FER: variants seen among roughly 807,000 people sequenced by gnomAD.
FER encodes FER tyrosine kinase.
In FER, 63 loss-of-function variants were observed where a neutral mutation model predicts 111.0. That is an observed-to-expected ratio of 0.57 (90% CI 0.46 to 0.70). The LOEUF (loss-of-function observed/expected upper bound fraction) is 0.70, where lower values mean the gene tolerates loss of function less well. Ranked by LOEUF, FER falls within the 30% of genes least tolerant of loss-of-function variation. The pLI is 0.00. For missense variants in FER, 914 were observed against 954.0 expected, an observed-to-expected ratio of 0.96 and a Z score of 0.55; for synonymous variants, 327 against 313.9, an observed-to-expected ratio of 1.04 and a Z score of -0.44.
chr5:108,968,565 A>G (rs1317493987), intron 13 of FER, among the ~76,000 whole-genome samples: 1 of 152,158 alleles, frequency 6.6e-6, no homozygotes, highest in Non-Finnish European at 1.5e-5. Context: ...AGCCTTAAGT[A>G]CTTGTATTAA....
chr5:109,099,326 G>A (rs529991940), intron 16 of FER, among the ~76,000 whole-genome samples: 3 of 151,594 alleles, frequency 2.0e-5, no homozygotes, highest in Non-Finnish European at 4.4e-5. Context: ...AATGTGGCTA[G>A]TGCTTCTAAA....
intron 18 of FER, among the ~76,000 whole-genome samples, chr5:109,183,817 A>G (rs528554015): frequency 6.6e-6 from 1 of 152,278 alleles, no homozygotes; most frequent in Non-Finnish European, 1.5e-5. Flanking sequence ...CTGCGTTATC[A>G]TAAGTGTTGT....
At chr5:109,154,509 G>C (rs1755164234) in intron 17 of FER, among the ~76,000 whole-genome samples, 1 of 151,844 alleles carries the variant, frequency 6.6e-6, no homozygotes, top group African/African-American at 2.4e-5. Flanking sequence ...GATGAACATG[G>C]AAGAATGAGT....
At chr5:109,129,614 A>G (rs17450525) in intron 17 of FER, among the ~76,000 whole-genome samples, 15,935 of 152,124 alleles carry the variant, frequency 0.1, 847 homozygotes, top group Non-Finnish European at 0.12. Context: ...TGATATAAAA[A>G]GCTCTTACAA....
chr5:108,845,841 G>A (rs919777228), intron 5 of FER, among the ~76,000 whole-genome samples: 3 of 152,054 alleles, frequency 2.0e-5, no homozygotes, highest in Admixed American at 2.0e-4. Context: ...CTTGTCAAAT[G>A]CTCTTTCTGC....
chr5:109,063,298 G>C (rs955234641), intron 16 of FER, among the ~76,000 whole-genome samples: 5 of 151,978 alleles, frequency 3.3e-5, no homozygotes, highest in African/African-American at 1.2e-4. Context: ...ATTTTTACAG[G>C]ATTTTAACAG....
intron 2 of FER, among the ~76,000 whole-genome samples, chr5:108,778,553 G>A (rs920464224): frequency 5.9e-5 from 9 of 152,114 alleles, no homozygotes; most frequent in African/African-American, 2.2e-4. Context: ...TCTCAATGTT[G>A]TTTTAATGTG....
At chr5:108,794,366 C>T (rs113670069) in intron 2 of FER, among the ~76,000 whole-genome samples, 34,919 of 151,560 alleles carry the variant, frequency 0.23, 4,185 homozygotes, top group African/African-American at 0.29. Flanking sequence ...TACATGTGCC[C>T]GCCTCCACGC....
At chr5:108,911,183 T>C (rs974551843) in intron 10 of FER, among the ~76,000 whole-genome samples, 1 of 152,210 alleles carries the variant, frequency 6.6e-6, no homozygotes, top group Non-Finnish European at 1.5e-5. Flanking sequence ...TAAAATGATA[T>C]CTCATTGTGG....
intron 13 of FER, among the ~76,000 whole-genome samples, chr5:109,009,456 C>G (rs924979949): frequency 8.5e-5 from 13 of 152,096 alleles, no homozygotes; most frequent in African/African-American, 3.1e-4. Flanking sequence ...AAGCCTCTAC[C>G]CCTGACCACC....
chr5:109,125,766 T>G (rs1751634607), intron 17 of FER, among the ~76,000 whole-genome samples: 1 of 152,228 alleles, frequency 6.6e-6, no homozygotes, highest in Non-Finnish European at 1.5e-5. Flanking sequence ...TCCCAAGTGT[T>G]TTATTTTGTA....
chr5:108,930,762 CA>C (rs1754550622), intron 10 of FER, among the ~76,000 whole-genome samples: 1 of 150,048 alleles, frequency 6.7e-6, no homozygotes, highest in Admixed American at 6.6e-5. Context: ...TACAGGTGAG[CA>C]ACAGTACACT....
chr5:108,825,324 G>C (rs1759344674), intron 3 of FER, among the ~76,000 whole-genome samples: 1 of 152,218 alleles, frequency 6.6e-6, no homozygotes, highest in South Asian at 2.1e-4. Context: ...CCAGTTCAGA[G>C]ACGTACCCCT....
At chr5:109,100,366 G>T (rs1168143313) in intron 16 of FER, 30 bp from the exon 17 acceptor site, 1 of 1,605,534 alleles carries the variant, frequency 6.2e-7, no homozygotes, top group Non-Finnish European at 8.5e-7. Flanking sequence ...TCATAACTTT[G>T]TCTCATTGTT....
intron 13 of FER, among the ~76,000 whole-genome samples, chr5:108,975,681 A>G (rs1250410724): frequency 6.6e-6 from 1 of 152,196 alleles, no homozygotes. Context: ...CAGGTAAGAA[A>G]TAGAAGTGAC....
chr5:109,021,503 G>A (rs1336212340), intron 13 of FER, among the ~76,000 whole-genome samples: 1 of 152,002 alleles, frequency 6.6e-6, no homozygotes, highest in East Asian at 1.9e-4. Context: ...GGGATACTCT[G>A]AATACTAGAA....
chr5:108,974,983 C>A (rs1446259761), intron 13 of FER, among the ~76,000 whole-genome samples: 1 of 152,022 alleles, frequency 6.6e-6, no homozygotes, highest in Non-Finnish European at 1.5e-5. Flanking sequence ...ATTGCAATAG[C>A]AAAGACTTGG....
intron 13 of FER, among the ~76,000 whole-genome samples, chr5:109,028,436 A>G (rs1157472726): frequency 6.6e-6 from 1 of 152,226 alleles, no homozygotes; most frequent in African/African-American, 2.4e-5. Context: ...TGATTGCATC[A>G]TTATCTCTGA....
At chr5:109,181,331 A>G (rs1482308476) in intron 18 of FER, among the ~76,000 whole-genome samples, 1 of 152,208 alleles carries the variant, frequency 6.6e-6, no homozygotes, top group African/African-American at 2.4e-5. Context: ...GTTTCTTAGC[A>G]TCTCAGTCTG....
Sources: gnomAD v4.1 joint callset for allele counts (sites outside exome capture counted in the v4.1 genomes callset) on GRCh38, gnomAD v4.1.1 for gene constraint, MANE v1.5 for transcripts, NCBI Gene and HGNC (gene_info 2026-07-23, HGNC 2026-07-21) for gene names.